Variants in PRDM2 observed in about 807,000 individuals in gnomAD.
The protein encoded by PRDM2 is PR/SET domain 2.
In PRDM2, 30 loss-of-function variants were observed where a neutral mutation model predicts 130.0. The observed-to-expected ratio is 0.23, with a 90% CI of 0.17 to 0.31. PRDM2 has a LOEUF of 0.31. Among genes scored for constraint, PRDM2 ranks in the 10% least tolerant of loss-of-function variants. PRDM2 has a pLI of 1.00. For missense variants in PRDM2, 2,011 were observed against 2,108.4 expected (o/e 0.95, Z 0.90); for synonymous variants, 871 against 782.4 (o/e 1.11, Z -1.89).
intron 3 of PRDM2, among the ~76,000 whole-genome samples, chr1:13,732,020 C>T (rs1346429321): frequency 6.6e-6 from 1 of 152,070 alleles, no homozygotes; most frequent in Non-Finnish European, 1.5e-5. Flanking sequence ...AGCCTTTACC[C>T]CCCATTCTGT....
intron 1 of PRDM2, among the ~76,000 whole-genome samples, chr1:13,703,685 A>C (rs745863376): frequency 2.0e-5 from 3 of 152,256 alleles, no homozygotes; most frequent in Non-Finnish European, 4.4e-5. Context: ...TAAATTATGA[A>C]ATTTGAATAA....
intron 6 of PRDM2, among the ~76,000 whole-genome samples, chr1:13,751,969 C>T (rs542010472): frequency 5.3e-5 from 8 of 152,012 alleles, no homozygotes; most frequent in South Asian, 4.2e-4. Flanking sequence ...TCCTCCCCTC[C>T]CCTCCCCTCC....
In PRDM2 at chr1:13,778,599, AGAG is replaced by A. The variant is rs763091733; in HGVS notation, c.816_818del (p.Glu276del). On this transcript the variant is annotated inframe_deletion, in exon 8 of 10. Coordinates refer to ENST00000311066, the MANE Select transcript of PRDM2 (RefSeq NM_001393986.1). ...CTTGTGAGGTGAATGATTTGGGGGAAGAGGAGGAGGAGGAAGAGGAGGAGGATG... is the reference window on the plus strand; with the variant it reads ...CTTGTGAGGTGAATGATTTGGGGGAAGAGGAGGAGGAAGAGGAGGAGGATG... The A allele has an allele frequency of 1.4e-5, 23 of 1,610,188 alleles. 1 individual carries two copies. The highest frequency in any genetic ancestry group is 2.2e-5 in the East Asian group (1 of 44,820).
At chr1:13,775,678 C>T (rs1644460192) in intron 7 of PRDM2, among the ~76,000 whole-genome samples, 2 of 152,296 alleles carry the variant, frequency 1.3e-5, no homozygotes, top group East Asian at 1.9e-4. Context: ...TTGGCATTGA[C>T]CTCTTCCCCA....
intron 1 of PRDM2, among the ~76,000 whole-genome samples, chr1:13,706,587 G>C (rs928923904): frequency 6.6e-6 from 1 of 152,164 alleles, no homozygotes; most frequent in Non-Finnish European, 1.5e-5. Flanking sequence ...CTGGAACTAA[G>C]AGCCCCCAAG....
chr1:13,793,264 G>A (rs1420708617), intron 8 of PRDM2, among the ~76,000 whole-genome samples: 1 of 152,256 alleles, frequency 6.6e-6, no homozygotes, highest in Non-Finnish European at 1.5e-5. Context: ...GCGCGTTACA[G>A]AAGGCAGCAT....
chr1:13,701,624 T>C (rs1465628533), intron 1 of PRDM2, among the ~76,000 whole-genome samples: 1 of 152,176 alleles, frequency 6.6e-6, no homozygotes, highest in Admixed American at 6.5e-5. Flanking sequence ...AATTTTTACA[T>C]GTAGAATCTT....
intron 8 of PRDM2, among the ~76,000 whole-genome samples, chr1:13,807,617 G>A (rs1221933667): frequency 2.0e-5 from 3 of 152,208 alleles, no homozygotes; most frequent in Admixed American, 2.0e-4. Flanking sequence ...AAGACCACCT[G>A]GGGGAAGAGT....
At chr1:13,812,868 A>G (rs1354538399) in intron 8 of PRDM2, among the ~76,000 whole-genome samples, 1 of 152,176 alleles carries the variant, frequency 6.6e-6, no homozygotes, top group Non-Finnish European at 1.5e-5. Flanking sequence ...AAATGCTTCC[A>G]GCCCTGCTCT....
intron 4 of PRDM2, among the ~76,000 whole-genome samples, chr1:13,736,360 G>A (rs1643273211): frequency 6.6e-6 from 1 of 151,972 alleles, no homozygotes; most frequent in Admixed American, 6.6e-5. Flanking sequence ...GGGCTCAAGC[G>A]ATCTGCCCGT....
At chr1:13,730,968 T>C (rs1363727578) in intron 2 of PRDM2, 32 bp from the exon 3 acceptor site, 2 of 1,457,274 alleles carry the variant, frequency 1.4e-6, no homozygotes, top group Non-Finnish European at 1.8e-6. Context: ...TTTCTTTCTT[T>C]TGCTGTGATC....
At chr1:13,722,903 A>G in intron 2 of PRDM2, 1 of 506,304 alleles carries the variant, frequency 2.0e-6, no homozygotes, top group South Asian at 1.4e-5. Context: ...GAGAAGTTGA[A>G]TGTAGAGTAG....
chr1:13,746,501 ATT>A (rs1244542196), intron 5 of PRDM2, among the ~76,000 whole-genome samples: 1 of 151,158 alleles, frequency 6.6e-6, no homozygotes, highest in African/African-American at 2.4e-5. Context: ...GTTGCTAATA[ATT>A]TTTGTTTTGT....
At chr1:13,767,900 C>T (rs2100611282) in intron 6 of PRDM2, among the ~76,000 whole-genome samples, 1 of 152,070 alleles carries the variant, frequency 6.6e-6, no homozygotes, top group South Asian at 2.1e-4. Context: ...CACCTGAGCC[C>T]AGGAGGTCGA....
intron 6 of PRDM2, among the ~76,000 whole-genome samples, chr1:13,749,779 C>T (rs1477512058): frequency 6.6e-6 from 1 of 152,068 alleles, no homozygotes; most frequent in African/African-American, 2.4e-5. Context: ...GACTTAGCTC[C>T]TGGGCGGCAG....
At chr1:13,716,421 G>A (rs1642540677) in intron 2 of PRDM2, among the ~76,000 whole-genome samples, 1 of 151,734 alleles carries the variant, frequency 6.6e-6, no homozygotes, top group South Asian at 2.1e-4. Flanking sequence ...TGCACAATGT[G>A]CACATGTACC....
At position 13,770,423 on chromosome 1, in the gene PRDM2, T is replaced by C. The variant is rs77068325; in HGVS notation, c.512-2655T>C. The C allele has an allele frequency of 2.4e-4, 96 of 395,168 alleles. 1 individual carries two copies. In the East Asian group the frequency reaches 6.3e-3, roughly 26 times the overall value. The allele number at this position is 395,168 out of a possible 1,614,324, so 24.5% of individuals were successfully genotyped here. On this transcript the variant is annotated intron_variant, in intron 6 of 9. Transcript: ENST00000311066. ...GATATAAATCTAGACATTTTACTTA[T>C]TTAATACTCTATTTACATGTAGAAC...
intron 6 of PRDM2, among the ~76,000 whole-genome samples, chr1:13,749,935 GGAC>G (rs2100538694): frequency 6.6e-6 from 1 of 152,268 alleles, no homozygotes; most frequent in African/African-American, 2.4e-5. Context: ...CCGCCGCGCA[GGAC>G]GCGGGCCGCG....
chr1:13,779,396 C>T lies in PRDM2; in HGVS notation c.1601C>T (p.Thr534Ile), dbSNP rs142373967. Residue 534 changes from threonine (T) to isoleucine (I), a missense_variant, in exon 8 of 10, where the codon ACC (threonine) becomes ATC (isoleucine). By Grantham distance (89) the Thr-to-Ile change is moderately conservative. Around this residue, in one of 5 missense-constraint regions of PRDM2, gnomAD observed 1,288 missense variants for 1,237.7 expected, o/e 1.04. Transcript: ENST00000311066. The surrounding 1 kb of genome is among the most constrained non-coding windows in gnomAD (Gnocchi z 4.9). Reference sequence around the variant, plus strand: ...CCTCCAGCAGAACAGGCCCAGGCCACCCAGAACGTGTATGTACCAAGCACA... The same window carrying T: ...CCTCCAGCAGAACAGGCCCAGGCCATCCAGAACGTGTATGTACCAAGCACA... ...PQPPAEQAQA[T>I]QNVYVPSTEP... is the part of the protein sequence containing the mutation. 4 of 1,614,128 alleles carry T rather than the reference C, an allele frequency of 2.5e-6. No individual in the cohort carries two copies. Among genetic ancestry groups the T allele is most frequent in the Non-Finnish European group, 3.4e-6 (4 of 1,180,026 alleles).
Sources: gnomAD v4.1 joint callset for allele counts (sites outside exome capture counted in the v4.1 genomes callset) on GRCh38, gnomAD v4.1.1 for gene constraint, gnomAD v4.1.1 regional missense constraint, Gnocchi (gnomAD v3.1) non-coding constraint, MANE v1.5 for transcripts, NCBI Gene and HGNC (gene_info 2026-07-23, HGNC 2026-07-21) for gene names.